STPG2: variants seen among roughly 807,000 people sequenced by gnomAD.
The protein encoded by STPG2 is sperm-tail PG-rich repeat-containing protein 2.
A neutral mutation model predicts 54.2 loss-of-function variants in STPG2; 56 were observed. The ratio of observed to expected loss-of-function variants is 1.03; its 90% confidence interval spans 0.83 to 1.29. The LOEUF is 1.29. Ranked by LOEUF, STPG2 falls within the 50% of genes most tolerant of loss-of-function variation. The probability of loss-of-function intolerance (pLI) is 0.00; values close to 1 mark genes in which losing one functional copy is unlikely to be tolerated. For synonymous variants in STPG2, 200 were observed against 181.8 expected (o/e 1.10, Z -0.81); for missense variants, 596 against 544.9 (o/e 1.09, Z -0.93).
chr4:98,034,240 C>T (rs1736696856), intron 5 of STPG2, among the ~76,000 whole-genome samples: 1 of 152,152 alleles, frequency 6.6e-6, no homozygotes, highest in Admixed American at 6.6e-5. Flanking sequence ...AGCTGATAAG[C>T]AACTTCAGCA....
At chr4:97,921,270 G>A (rs929967287) in intron 8 of STPG2, among the ~76,000 whole-genome samples, 11 of 151,940 alleles carry the variant, frequency 7.2e-5, no homozygotes, top group African/African-American at 2.2e-4. Context: ...ATCCTGCTCC[G>A]GCAGCCCCAG....
chr4:97,610,472 A>T (rs919693524), intron 10 of STPG2, among the ~76,000 whole-genome samples: 1 of 152,078 alleles, frequency 6.6e-6, no homozygotes, highest in African/African-American at 2.4e-5. Flanking sequence ...ATTGTACTGG[A>T]CATAACAAAT....
chr4:97,581,625 C>T (rs1732865624), intron 10 of STPG2, among the ~76,000 whole-genome samples: 2 of 152,016 alleles, frequency 1.3e-5, no homozygotes, highest in Admixed American at 1.3e-4. Flanking sequence ...TATCATTTAA[C>T]TCATCAATTA....
intron 10 of STPG2, among the ~76,000 whole-genome samples, chr4:97,600,520 G>C (rs1259055050): frequency 6.6e-6 from 1 of 152,050 alleles, no homozygotes; most frequent in Non-Finnish European, 1.5e-5. Context: ...CATTGGCGAG[G>C]GCTCATAATG....
chr4:97,692,589 A>G (rs531931706), intron 10 of STPG2, among the ~76,000 whole-genome samples: 1 of 152,198 alleles, frequency 6.6e-6, no homozygotes, highest in African/African-American at 2.4e-5. Context: ...TTCCCGAGGA[A>G]GAAGAGAAAT....
At chr4:98,106,385 A>G (rs186881360) in intron 4 of STPG2, among the ~76,000 whole-genome samples, 5 of 152,264 alleles carry the variant, frequency 3.3e-5, no homozygotes, top group Non-Finnish European at 1.5e-5. Context: ...TGTACCATTA[A>G]AAGTCTAAAA....
intron 10 of STPG2, among the ~76,000 whole-genome samples, chr4:97,704,041 T>A (rs1723870285): frequency 6.6e-6 from 1 of 152,012 alleles, no homozygotes; most frequent in Non-Finnish European, 1.5e-5. Context: ...GCCTGCTTTA[T>A]ATTCTAGCTG....
chr4:97,611,097 C>T (rs1351466642), intron 10 of STPG2, among the ~76,000 whole-genome samples: 1 of 151,802 alleles, frequency 6.6e-6, no homozygotes, highest in Non-Finnish European at 1.5e-5. Context: ...AGAATTTCTG[C>T]CTTCACAAGG....
intron 10 of STPG2, among the ~76,000 whole-genome samples, chr4:97,630,051 A>G (rs1578436680): frequency 6.6e-6 from 1 of 151,966 alleles, no homozygotes; most frequent in East Asian, 1.9e-4. Context: ...TTAGGTTTAT[A>G]ATCCATATAA....
intron 5 of STPG2, among the ~76,000 whole-genome samples, chr4:98,070,391 C>A (rs1035796893): frequency 6.6e-6 from 1 of 151,914 alleles, no homozygotes; most frequent in Admixed American, 6.6e-5. Context: ...AAATATATGA[C>A]AAACCCATAG....
chr4:98,108,685 T>C lies in STPG2; in HGVS notation c.500+508A>G, dbSNP rs1371920161. ...TGCTGTATAATCAAACGGGCTTCAA[T>C]TTAACTTTAGCTCTGCCATTTAATA... On this transcript the variant is annotated intron_variant, in intron 4 of 10. Transcript: ENST00000295268. Among the ~76,000 whole-genome samples the C allele has an allele frequency of 2.0e-5, 3 of 152,146 alleles. No homozygotes were observed. The East Asian group carries it at 5.8e-4, about 29-fold the overall frequency.
At chr4:98,072,788 A>AC (rs1738046180) in intron 5 of STPG2, among the ~76,000 whole-genome samples, 1 of 152,152 alleles carries the variant, frequency 6.6e-6, no homozygotes, top group Admixed American at 6.6e-5. Context: ...ATTTGGGCTT[A>AC]TTATCTCCTT....
intron 10 of STPG2, among the ~76,000 whole-genome samples, chr4:97,691,331 G>T (rs561262554): frequency 6.6e-6 from 1 of 152,232 alleles, no homozygotes; most frequent in Admixed American, 6.5e-5. Flanking sequence ...CTGTTGTGGG[G>T]GCATGATGAA....
At chr4:98,042,562 A>C (rs1736997580) in intron 5 of STPG2, among the ~76,000 whole-genome samples, 1 of 151,586 alleles carries the variant, frequency 6.6e-6, no homozygotes, top group Non-Finnish European at 1.5e-5. Flanking sequence ...TTTTATCTTA[A>C]TTTTGCATTC....
At chr4:97,711,258 C>T (rs1479577213) in intron 10 of STPG2, among the ~76,000 whole-genome samples, 1 of 151,870 alleles carries the variant, frequency 6.6e-6, no homozygotes. Flanking sequence ...ACTAAAGTAC[C>T]CAACTTATCA....
At chr4:97,600,287 T>C (rs1733424271) in intron 10 of STPG2, among the ~76,000 whole-genome samples, 1 of 152,188 alleles carries the variant, frequency 6.6e-6, no homozygotes, top group African/African-American at 2.4e-5. Flanking sequence ...TTTAATTCAA[T>C]GCAACAAGTA....
intron 10 of STPG2, among the ~76,000 whole-genome samples, chr4:97,675,335 T>C (rs890249342): frequency 1.3e-5 from 2 of 152,148 alleles, no homozygotes; most frequent in Non-Finnish European, 2.9e-5. Context: ...TTCTATGAAG[T>C]ATAAGTTTCT....
intron 10 of STPG2, among the ~76,000 whole-genome samples, chr4:97,561,868 G>A (rs143841787): frequency 0.017 from 2,606 of 152,268 alleles, 67 homozygotes; most frequent in African/African-American, 0.058. Context: ...TTGAAGTCAG[G>A]TAGCGTGATG....
chr4:98,085,396 A>T (rs541984053), intron 5 of STPG2, among the ~76,000 whole-genome samples: 1 of 152,196 alleles, frequency 6.6e-6, no homozygotes, highest in South Asian at 2.1e-4. Flanking sequence ...TAAACATTAT[A>T]ATCAGTTTAT....
Sources: gnomAD v4.1 joint callset for allele counts (sites outside exome capture counted in the v4.1 genomes callset) on GRCh38, gnomAD v4.1.1 for gene constraint, MANE v1.5 for transcripts, NCBI Gene and HGNC (gene_info 2026-07-23, HGNC 2026-07-21) for gene names.